Variants in AMZ1 observed in about 807,000 individuals in gnomAD.
AMZ1 encodes archaemetzincin-1.
In AMZ1, 39 loss-of-function variants were observed where a neutral mutation model predicts 29.9. That is an observed-to-expected ratio of 1.30 (90% confidence interval 1.01 to 1.70). AMZ1 has a LOEUF of 1.70. Among genes scored for constraint, AMZ1 ranks in the 40% most tolerant of loss-of-function variants. The pLI is 0.00. For missense variants in AMZ1, 1,041 were observed against 680.6 expected (o/e 1.53, Z -5.89); for synonymous variants, 458 against 304.0 (o/e 1.51, Z -5.27).
chr7:2,683,630 G>A (rs949882617), upstream of AMZ1, among the ~76,000 whole-genome samples: 2 of 151,978 alleles, frequency 1.3e-5, no homozygotes, highest in Non-Finnish European at 2.9e-5. Context: ...AATAGAGACG[G>A]GGTTTCACCG....
intron 1 of AMZ1, among the ~76,000 whole-genome samples, chr7:2,681,687 C>A (rs999524417): frequency 6.6e-6 from 1 of 152,132 alleles, no homozygotes; most frequent in Non-Finnish European, 1.5e-5. Flanking sequence ...GGAGATTCGT[C>A]CCCACGTGCC....
chr7:2,741,614 A>G (rs991938564), intron 4 of AMZ1, among the ~76,000 whole-genome samples: 1 of 152,092 alleles, frequency 6.6e-6, no homozygotes, highest in Non-Finnish European at 1.5e-5. Context: ...AATAGTACAA[A>G]GAGCTCATAC....
chr7:2,760,803 G>A (rs1433154789), upstream of AMZ1, among the ~76,000 whole-genome samples: 1 of 152,214 alleles, frequency 6.6e-6, no homozygotes. Flanking sequence ...TCCCAGCTGC[G>A]TGGCTTTACC....
At chr7:2,699,684 G>A (rs1190150323) in intron 1 of AMZ1, among the ~76,000 whole-genome samples, 1 of 152,144 alleles carries the variant, frequency 6.6e-6, no homozygotes, top group Non-Finnish European at 1.5e-5. Context: ...GATGATGGGG[G>A]CTCTGGGTAA....
rs374323243 is a variant in AMZ1, at chr7:2,709,727, G to A, written c.859G>A (p.Glu287Lys). 3.2e-5 allele frequency: 51 copies of A among 1,611,378 alleles called. No individual in the cohort carries two copies. Among genetic ancestry groups the A allele is most frequent in the African/African-American group, 6.7e-5 (5 of 75,006 alleles). Residue 287 changes from glutamate to lysine, a missense_variant, in exon 6 of 7, where the codon GAG (glutamate) becomes AAG (lysine). Glu to Lys is a moderately conservative substitution (Grantham distance 56). Transcript: ENST00000683327. ...CLMQGALSLDEALRRPLDLCP... is the reference protein window; with the variant it reads ...CLMQGALSLDKALRRPLDLCP... ...CATGCAGGGTGCGCTCAGCCTGGAC[G>A]AGGCCCTGCGGCGGCCCCTGGACCT...
chr7:2,703,452 C>T (rs1788178039), intron 3 of AMZ1, among the ~76,000 whole-genome samples: 1 of 152,122 alleles, frequency 6.6e-6, no homozygotes, highest in Non-Finnish European at 1.5e-5. Context: ...GAAATGAGCC[C>T]TTCTAAGGCC....
Position 2,700,593 on chromosome 7 carries a change from T to C in AMZ1, c.142T>C (p.Tyr48His). ...CGAGCGGCTCTTCCTGGCCGAGGCC[T>C]ACAACCCGCAGAGGACGCTCTTCTG... ...PAERLFLAEA[Y>H]NPQRTLFCTL... is the part of the protein sequence containing the mutation. The change falls in exon 2 of 7, where the codon TAC (tyrosine) becomes CAC (histidine). Residue 48 changes from tyrosine to histidine, a missense_variant. By Grantham distance (83) the Tyr-to-His change is moderately conservative. Coordinates refer to ENST00000683327, the MANE Select transcript of AMZ1 (RefSeq NM_001384743.1). 1 of 1,610,408 alleles carries C rather than the reference T, an allele frequency of 6.2e-7. No individual in the cohort carries two copies. Among genetic ancestry groups the C allele is most frequent in the South Asian group, 1.1e-5 (1 of 91,080 alleles).
At chr7:2,754,635 C>G (rs1249490542) in intron 4 of AMZ1, among the ~76,000 whole-genome samples, 1 of 151,632 alleles carries the variant, frequency 6.6e-6, no homozygotes, top group African/African-American at 2.4e-5. Flanking sequence ...GTAGTCCCAG[C>G]TATTAGGGGA....
At chr7:2,750,871 A>G (rs955079979) in intron 4 of AMZ1, among the ~76,000 whole-genome samples, 1 of 152,232 alleles carries the variant, frequency 6.6e-6, no homozygotes, top group Non-Finnish European at 1.5e-5. Context: ...GGGAACTGAA[A>G]TAACTGATTA....
upstream of AMZ1, chr7:2,762,681 A>G: frequency 1.9e-6 from 3 of 1,589,064 alleles, no homozygotes; most frequent in Non-Finnish European, 2.6e-6. Context: ...ATTTGGAAAG[A>G]AACCACGCTG....
rs1237547666 is a variant in AMZ1, at chr7:2,717,994, C to T, written c.*5116C>T. 1.3e-5 allele frequency among the ~76,000 whole-genome samples: 2 copies of T among 152,182 alleles called. No individual in the cohort carries two copies. Among genetic ancestry groups the T allele is most frequent in the South Asian group, 2.1e-4 (1 of 4,828 alleles). ...CGAGCAAACACGGCGGCCCCTGCCTCCCCCGGCGGCTCCACAATGGCCCTC... is the reference window on the plus strand; with the variant it reads ...CGAGCAAACACGGCGGCCCCTGCCTTCCCCGGCGGCTCCACAATGGCCCTC... On this transcript the variant is annotated 3_prime_UTR_variant, in exon 7 of 7. Coordinates refer to ENST00000683327, the MANE Select transcript of AMZ1 (RefSeq NM_001384743.1).
intron 3 of AMZ1, among the ~76,000 whole-genome samples, chr7:2,707,147 C>T (rs758158999): frequency 3.0e-4 from 46 of 152,030 alleles, no homozygotes; most frequent in Non-Finnish European, 6.0e-4. Context: ...ATGGCACGTG[C>T]CTGTAATCCC....
intron 4 of AMZ1, among the ~76,000 whole-genome samples, chr7:2,754,610 T>C (rs1583241297): frequency 6.7e-6 from 1 of 149,634 alleles, no homozygotes; most frequent in African/African-American, 2.5e-5. Flanking sequence ...TAGCCAGGTA[T>C]AGTGTTGCGT....
intron 4 of AMZ1, among the ~76,000 whole-genome samples, chr7:2,752,802 T>A (rs976958731): frequency 5.9e-5 from 9 of 152,214 alleles, no homozygotes; most frequent in African/African-American, 2.2e-4. Flanking sequence ...GAGGTATAGG[T>A]GGACCTGCCA....
chr7:2,709,869 C>A, intron 6 of AMZ1, 53 bp downstream of exon 6: 1 of 1,590,932 alleles, frequency 6.3e-7, no homozygotes, highest in South Asian at 1.1e-5. Flanking sequence ...TCCGGAGGCC[C>A]GCGAGCGCCG....
chr7:2,761,785 T>C (rs991087415), upstream of AMZ1, among the ~76,000 whole-genome samples: 57 of 152,290 alleles, frequency 3.7e-4, no homozygotes, highest in African/African-American at 1.3e-3. Flanking sequence ...TCACGTTCAT[T>C]AAAACGTGAA....
intron 1 of AMZ1, among the ~76,000 whole-genome samples, chr7:2,693,371 G>A (rs567837168): frequency 2.0e-5 from 3 of 152,102 alleles, no homozygotes; most frequent in South Asian, 4.2e-4. Flanking sequence ...GTGAGCCACC[G>A]TGCCTGGTTG....
intron 4 of AMZ1, among the ~76,000 whole-genome samples, chr7:2,755,220 T>A (rs1348817181): frequency 6.6e-6 from 1 of 152,200 alleles, no homozygotes; most frequent in Non-Finnish European, 1.5e-5. Flanking sequence ...ACTTTATTCT[T>A]TTTCAAACAT....
chr7:2,743,986 T>C (rs1262993045), intron 4 of AMZ1, among the ~76,000 whole-genome samples: 1 of 152,172 alleles, frequency 6.6e-6, no homozygotes, highest in Non-Finnish European at 1.5e-5. Flanking sequence ...GTACCCACCA[T>C]TGCCGAGACT....
Sources: allele counts gnomAD v4.1 joint callset (sites outside exome capture counted in the v4.1 genomes callset), GRCh38; gene constraint gnomAD v4.1.1; transcripts MANE v1.5; gene names NCBI Gene and HGNC (gene_info 2026-07-23, HGNC 2026-07-21).